The following KHDRBS2 variants were observed in gnomAD, a reference collection of about 807,000 sequenced individuals.
KHDRBS2 encodes the protein KH domain-containing, RNA-binding, signal transduction-associated protein 2.
In KHDRBS2, 26 loss-of-function variants were observed where a neutral mutation model predicts 44.3. That is an observed-to-expected ratio of 0.59 (90% confidence interval 0.43 to 0.81). The LOEUF (loss-of-function observed/expected upper bound fraction) is 0.81, where lower values mean the gene tolerates loss of function less well. Ranked by LOEUF, KHDRBS2 falls within the 40% of genes least tolerant of loss-of-function variation. KHDRBS2 has a pLI of 0.00. For missense variants in KHDRBS2, 476 were observed against 433.1 expected, an observed-to-expected ratio of 1.10 and a Z score of -0.88; for synonymous variants, 194 against 151.1, an observed-to-expected ratio of 1.28 and a Z score of -2.08.
At chr6:61,769,629 G>T (rs898303767) in intron 6 of KHDRBS2, among the ~76,000 whole-genome samples, 1 of 152,128 alleles carries the variant, frequency 6.6e-6, no homozygotes, top group Non-Finnish European at 1.5e-5. Flanking sequence ...GCGAGGCTGG[G>T]GGGGCGGCGC....
chr6:62,074,562 C>T (rs1003398524), intron 2 of KHDRBS2, among the ~76,000 whole-genome samples: 1 of 151,818 alleles, frequency 6.6e-6, no homozygotes, highest in Admixed American at 6.6e-5. Flanking sequence ...CATTTTGTAC[C>T]TTCTACATAT....
chr6:61,843,011 A>G (rs1183191164), intron 6 of KHDRBS2, among the ~76,000 whole-genome samples: 1 of 145,514 alleles, frequency 6.9e-6, no homozygotes, highest in African/African-American at 2.4e-5. Context: ...AAAAAACAAC[A>G]AAGTTCTGAT....
At chr6:61,603,299 C>T in the KHDRBS2 span, among the ~76,000 whole-genome samples, 6 of 152,156 alleles carry the variant, frequency 3.9e-5, no homozygotes, top group Admixed American at 1.3e-4. Flanking sequence ...CCCATATACT[C>T]TCCTACCCTC....
At chr6:62,035,437 A>T (rs1203925417) in intron 3 of KHDRBS2, among the ~76,000 whole-genome samples, 1 of 151,956 alleles carries the variant, frequency 6.6e-6, no homozygotes, top group East Asian at 1.9e-4. Context: ...GGGGTCTGAA[A>T]ATGAAAACAA....
chr6:61,559,635 A>G, the KHDRBS2 span, among the ~76,000 whole-genome samples: 1 of 152,174 alleles, frequency 6.6e-6, no homozygotes, highest in African/African-American at 2.4e-5. Flanking sequence ...ATAACCCACT[A>G]TTTTAAACTC....
At chr6:61,977,862 G>A (rs1396258714) in intron 4 of KHDRBS2, among the ~76,000 whole-genome samples, 4 of 152,082 alleles carry the variant, frequency 2.6e-5, no homozygotes, top group Non-Finnish European at 5.9e-5. Context: ...ACATTGCTAT[G>A]GAACCATCAC....
chr6:62,009,168 T>G (rs181668466), intron 3 of KHDRBS2, among the ~76,000 whole-genome samples: 84 of 152,224 alleles, frequency 5.5e-4, no homozygotes, highest in African/African-American at 1.9e-3. Flanking sequence ...CAGTCTGAGG[T>G]GGTCTCAGAT....
At chr6:61,923,900 C>A (rs1486752003) in intron 4 of KHDRBS2, among the ~76,000 whole-genome samples, 1 of 151,956 alleles carries the variant, frequency 6.6e-6, no homozygotes. Flanking sequence ...TTATGTAAAT[C>A]ATTTAATGGA....
chr6:62,138,769 T>C (rs1164324408), intron 2 of KHDRBS2, among the ~76,000 whole-genome samples: 2 of 152,206 alleles, frequency 1.3e-5, no homozygotes, highest in Non-Finnish European at 2.9e-5. Flanking sequence ...AAGAAAAATT[T>C]AAGGAAAATA....
chr6:61,580,265 A>G, the KHDRBS2 span, among the ~76,000 whole-genome samples: 24 of 152,136 alleles, frequency 1.6e-4, no homozygotes, highest in Non-Finnish European at 3.2e-4. Context: ...TGGGACTTGG[A>G]GAACTTTTGT....
chr6:61,987,510 G>A (rs1050719213), intron 3 of KHDRBS2, among the ~76,000 whole-genome samples: 4 of 151,980 alleles, frequency 2.6e-5, no homozygotes, highest in African/African-American at 9.7e-5. Flanking sequence ...TCTTCTTGAT[G>A]CCCCAGGGAA....
chr6:62,217,044 A>G (rs1830125713), intron 1 of KHDRBS2, among the ~76,000 whole-genome samples: 2 of 150,098 alleles, frequency 1.3e-5, no homozygotes, highest in Non-Finnish European at 3.0e-5. Context: ...AAAAAAAAAA[A>G]GGTGCCAAAG....
intron 2 of KHDRBS2, among the ~76,000 whole-genome samples, chr6:62,162,831 A>C (rs9354733): frequency 0.61 from 92,126 of 151,776 alleles, 28,152 homozygotes; most frequent in Non-Finnish European, 0.62. Context: ...AGAGGAGTGA[A>C]GGGGGTGTCC....
intron 6 of KHDRBS2, among the ~76,000 whole-genome samples, chr6:61,792,941 C>A (rs967626941): frequency 6.6e-6 from 1 of 151,668 alleles, no homozygotes; most frequent in African/African-American, 2.4e-5. Flanking sequence ...GTATGAAGAG[C>A]CAAGAGGGGC....
intron 1 of KHDRBS2, among the ~76,000 whole-genome samples, chr6:62,201,758 G>A (rs1827040348): frequency 6.6e-6 from 1 of 151,940 alleles, no homozygotes; most frequent in Non-Finnish European, 1.5e-5. Context: ...GGGCAAATAA[G>A]TCATTTTTAT....
chr6:61,994,020 C>T (rs1776709145), intron 3 of KHDRBS2, among the ~76,000 whole-genome samples: 1 of 152,090 alleles, frequency 6.6e-6, no homozygotes, highest in African/African-American at 2.4e-5. Context: ...AGGCTGGATC[C>T]TGATCTACAG....
intron 4 of KHDRBS2, among the ~76,000 whole-genome samples, chr6:61,977,749 T>C (rs1326135196): frequency 1.3e-5 from 2 of 152,120 alleles, no homozygotes; most frequent in African/African-American, 2.4e-5. Context: ...GTGATGGAGA[T>C]GCAATAAAAA....
chr6:62,278,402 A>T (rs1016481545), intron 1 of KHDRBS2, among the ~76,000 whole-genome samples: 1 of 152,084 alleles, frequency 6.6e-6, no homozygotes, highest in Non-Finnish European at 1.5e-5. Flanking sequence ...GAGAATAATG[A>T]TCAGTTATGT....
Position 61,872,319 on chromosome 6 carries a change from A to T in KHDRBS2, c.810+22316T>A, listed in dbSNP as rs1320842694. 4.6e-5 allele frequency among the ~76,000 whole-genome samples: 7 copies of T among 152,156 alleles called. No individual in the cohort carries two copies. In the East Asian group the frequency reaches 1.3e-3, roughly 29 times the overall value. The stretch of plus-strand genomic sequence containing the variant: ...ATTTTGTTAAGTATAGTGCATGTGA[A>T]TCCAAATTTGTAAGCCTAAAGAATC... On this transcript the variant is annotated intron_variant, in intron 6 of 8. Transcript: ENST00000281156.
Sources: allele counts gnomAD v4.1 joint callset (sites outside exome capture counted in the v4.1 genomes callset), GRCh38; gene constraint gnomAD v4.1.1; transcripts MANE v1.5; gene names NCBI Gene and HGNC (gene_info 2026-07-23, HGNC 2026-07-21).